The following EPB41L4A variants were observed in gnomAD, a reference collection of about 807,000 sequenced individuals.
EPB41L4A encodes the protein erythrocyte membrane protein band 4.1 like 4A.
Under a neutral mutation model 108.6 loss-of-function variants are expected in EPB41L4A, and 100 were observed. The ratio of observed to expected loss-of-function variants is 0.92; its 90% confidence interval spans 0.78 to 1.09. EPB41L4A has a LOEUF of 1.09. Ranked by LOEUF, EPB41L4A falls within the 50% of genes least tolerant of loss-of-function variation. The pLI, the probability that EPB41L4A is intolerant of heterozygous loss-of-function variation, is 0.00. For synonymous variants in EPB41L4A, 319 were observed against 289.0 expected (o/e 1.10, Z -1.05); for missense variants, 1,030 against 842.7 (o/e 1.22, Z -2.75).
rs752763696 is a variant in EPB41L4A at position 112,264,908 on chromosome 5, T to C, written c.542A>G (p.His181Arg). ...EELEEAIERI[H>R]KTLMGQIPSE... ...TAATGATTCTTACATTAGAGTTTTA[T>C]GAATCCTTTCTATGGCTTCTTCAAG... The change falls in exon 6 of 23, where the codon CAT (histidine) becomes CGT (arginine). Residue 181 changes from histidine to arginine, a missense_variant. His to Arg is a conservative substitution (Grantham distance 29, BLOSUM62 0). Coordinates refer to ENST00000261486, the MANE Select transcript of EPB41L4A (RefSeq NM_022140.5). 1.2e-6 allele frequency: 2 copies of C among 1,611,874 alleles called. No individual in the cohort carries two copies. The highest frequency in any genetic ancestry group is 1.3e-5 in the African/African-American group (1 of 74,868).
chr5:112,255,705 T>A (rs1751036052), intron 9 of EPB41L4A, among the ~76,000 whole-genome samples: 1 of 152,198 alleles, frequency 6.6e-6, no homozygotes, highest in African/African-American at 2.4e-5. Context: ...TTTCAGGTAG[T>A]CTCGTGGCTT....
chr5:112,256,831 AT>A (rs1265727908), intron 9 of EPB41L4A: 1 of 152,222 alleles, frequency 6.6e-6, no homozygotes, highest in Admixed American at 6.5e-5. Flanking sequence ...GAGTTTTAGG[AT>A]AATGAATAAT....
chr5:112,305,643 G>A (rs1222554164), intron 2 of EPB41L4A, among the ~76,000 whole-genome samples: 4 of 152,010 alleles, frequency 2.6e-5, no homozygotes. Context: ...TATTCTCAGA[G>A]CCTCCTACAA....
intron 9 of EPB41L4A, among the ~76,000 whole-genome samples, chr5:112,253,965 C>G (rs1750878199): frequency 6.6e-6 from 1 of 152,156 alleles, no homozygotes; most frequent in Non-Finnish European, 1.5e-5. Flanking sequence ...TGGCCATCAT[C>G]GCTTCCCGTG....
rs539962549 is a variant in EPB41L4A, at chr5:112,172,060, C to G, written c.1623-1068G>C. On this transcript the variant is annotated intron_variant, in intron 18 of 22. Transcript: ENST00000261486. Reference sequence around the variant, plus strand: ...GCTACTTTCCAGCCACTGAGTTGACCAAATGGTTTTTCCTTTGTGCAGGGG... The same window carrying G: ...GCTACTTTCCAGCCACTGAGTTGACGAAATGGTTTTTCCTTTGTGCAGGGG... Among the ~76,000 whole-genome samples the G allele has an allele frequency of 3.7e-4, 57 of 152,198 alleles. 2 individuals are homozygous for G. The South Asian group carries it at 0.011, about 29-fold the overall frequency.
At chr5:112,313,408 G>A (rs550417269) in intron 1 of EPB41L4A, among the ~76,000 whole-genome samples, 6 of 152,180 alleles carry the variant, frequency 3.9e-5, no homozygotes, top group African/African-American at 1.2e-4. Context: ...TGGCTAACAC[G>A]GTGAAACCCC....
chr5:112,404,276 T>C (rs1226259411), intron 1 of EPB41L4A, among the ~76,000 whole-genome samples: 9 of 152,220 alleles, frequency 5.9e-5, no homozygotes, highest in Admixed American at 2.6e-4. Context: ...TCTAAGCCCT[T>C]ACATGTACTA....
intron 1 of EPB41L4A, among the ~76,000 whole-genome samples, chr5:112,345,258 G>A (rs929029977): frequency 9.9e-5 from 15 of 152,156 alleles, no homozygotes; most frequent in African/African-American, 3.6e-4. Flanking sequence ...ATCCACAACT[G>A]AGAAAAAAGT....
chr5:112,286,914 C>T (rs573970649), intron 2 of EPB41L4A, among the ~76,000 whole-genome samples: 1 of 152,080 alleles, frequency 6.6e-6, no homozygotes, highest in Non-Finnish European at 1.5e-5. Context: ...CTCATGGTCC[C>T]ATTTTAGTAT....
intron 12 of EPB41L4A, among the ~76,000 whole-genome samples, chr5:112,148,593 G>C (rs1209585995): frequency 6.6e-6 from 1 of 152,080 alleles, no homozygotes; most frequent in South Asian, 2.1e-4. Flanking sequence ...CAAAAGGGAA[G>C]AAAAGTCTCT....
chr5:112,401,603 G>T (rs1200624279), intron 1 of EPB41L4A, among the ~76,000 whole-genome samples: 1 of 152,124 alleles, frequency 6.6e-6, no homozygotes, highest in East Asian at 1.9e-4. Context: ...AAAATCTACT[G>T]GTAAGTATTA....
intron 1 of EPB41L4A, among the ~76,000 whole-genome samples, chr5:112,389,829 C>G (rs1760812145): frequency 6.6e-6 from 1 of 152,048 alleles, no homozygotes; most frequent in South Asian, 2.1e-4. Context: ...CTCACTTGAT[C>G]CTCACAACAA....
At chr5:112,231,489 T>TA (rs1748919909) in intron 12 of EPB41L4A, among the ~76,000 whole-genome samples, 1 of 152,140 alleles carries the variant, frequency 6.6e-6, no homozygotes, top group Non-Finnish European at 1.5e-5. Context: ...TTCCACATTT[T>TA]AAAAAGATCC....
At chr5:112,234,015 C>T (rs917377448) in intron 12 of EPB41L4A, among the ~76,000 whole-genome samples, 1 of 151,602 alleles carries the variant, frequency 6.6e-6, no homozygotes, top group Non-Finnish European at 1.5e-5. Context: ...TAAAATAAAA[C>T]CCCTTCAAAA....
chr5:112,352,481 T>C (rs1758108782), intron 1 of EPB41L4A, among the ~76,000 whole-genome samples: 1 of 152,200 alleles, frequency 6.6e-6, no homozygotes, highest in Non-Finnish European at 1.5e-5. Context: ...TATGATATAA[T>C]TGCATTTTTT....
chr5:112,418,925 T>A lies in EPB41L4A; in HGVS notation c.99+16A>T, dbSNP rs368186106. On this transcript the variant is annotated intron_variant, in intron 1 of 22. Transcript: ENST00000261486. The stretch of plus-strand genomic sequence containing the variant: ...CCTGCCGCCAACCCCCGGAACGCGC[T>A]CCGGGCCGCACCCACCTTGATGCCC... The A allele has an allele frequency of 1.9e-6, 3 of 1,606,614 alleles. No homozygotes were observed. Among genetic ancestry groups the A allele is most frequent in the African/African-American group, 2.7e-5 (2 of 74,368 alleles).
rs151029012 is a variant in EPB41L4A, at chr5:112,230,254, G to A, written c.1087+4380C>T. Among the ~76,000 whole-genome samples the A allele has an allele frequency of 1.9e-4, 29 of 152,260 alleles. No individual in the cohort carries two copies. The East Asian group carries it at 5.6e-3, about 29-fold the overall frequency. On this transcript the variant is annotated intron_variant, in intron 12 of 22. Coordinates refer to ENST00000261486, the MANE Select transcript of EPB41L4A (RefSeq NM_022140.5). ...CCTCTGGGCAGATACCCAATAATGG[G>A]ATTGCTGGATCAAATGGTAGCTCTA...
intron 12 of EPB41L4A, among the ~76,000 whole-genome samples, chr5:112,151,816 C>T (rs756516794): frequency 3.3e-5 from 5 of 152,178 alleles, no homozygotes; most frequent in East Asian, 1.9e-4. Context: ...CTGCAACCTC[C>T]GCCTCCCGGA....
At chr5:112,359,695 C>T (rs1394957598) in intron 1 of EPB41L4A, among the ~76,000 whole-genome samples, 1 of 152,100 alleles carries the variant, frequency 6.6e-6, no homozygotes, top group Non-Finnish European at 1.5e-5. Context: ...CGCCTGCCAC[C>T]ACGCCCAGCT....
Sources: allele counts gnomAD v4.1 joint callset (sites outside exome capture counted in the v4.1 genomes callset), GRCh38; gene constraint gnomAD v4.1.1; transcripts MANE v1.5; gene names NCBI Gene and HGNC (gene_info 2026-07-23, HGNC 2026-07-21).